Variants in NTAQ1 observed in about 807,000 individuals in gnomAD.
NTAQ1 encodes protein N-terminal glutamine amidohydrolase.
NTAQ1 carries 21 observed loss-of-function variants against 28.2 expected under a neutral mutation model. That is an observed-to-expected ratio of 0.74 (90% CI 0.53 to 1.07). The LOEUF is 1.07. Among genes scored for constraint, NTAQ1 ranks in the 50% least tolerant of loss-of-function variants. The pLI, the probability that NTAQ1 is intolerant of heterozygous loss-of-function variation, is 0.00. For missense variants in NTAQ1, 264 were observed against 256.6 expected (o/e 1.03, Z -0.20); for synonymous variants, 105 against 90.0 (o/e 1.17, Z -0.94).
At chr8:123,438,060 A>G in intron 5 of NTAQ1, 1 of 647,804 alleles carries the variant, frequency 1.5e-6, no homozygotes, top group Non-Finnish European at 2.8e-6. Context: ...TGGCTATATA[A>G]TAAAATCTGC....
chr8:123,459,887 C>T (rs545697189), intron 6 of NTAQ1, among the ~76,000 whole-genome samples: 7 of 151,530 alleles, frequency 4.6e-5, no homozygotes, highest in African/African-American at 1.5e-4. Context: ...CCGCAACCTC[C>T]GCCTCCTGGT....
chr8:123,471,906 G>T (rs1041694531), downstream of NTAQ1, among the ~76,000 whole-genome samples: 2 of 152,148 alleles, frequency 1.3e-5, no homozygotes, highest in Admixed American at 1.3e-4. Flanking sequence ...AAGTTGACAC[G>T]TAAAATTAAC....
At chr8:123,467,182 A>C (rs1815979082) in exon 7 of NTAQ1, 1 of 151,634 alleles carries the variant, frequency 6.6e-6, no homozygotes, top group Non-Finnish European at 1.5e-5. Flanking sequence ...AACTACAGGC[A>C]TGCACCACCA....
At chr8:123,448,376 G>A (rs1195353296), downstream of NTAQ1, among the ~76,000 whole-genome samples, 2 of 152,212 alleles carry the variant, frequency 1.3e-5, no homozygotes, top group Non-Finnish European at 2.9e-5. Context: ...ACTTTGGAAG[G>A]CCAAGGCGGG....
chr8:123,463,207 A>G (rs1382161611), intron 6 of NTAQ1, among the ~76,000 whole-genome samples: 1 of 152,234 alleles, frequency 6.6e-6, no homozygotes, highest in Non-Finnish European at 1.5e-5. Context: ...CCTAAGAAAG[A>G]TATTCTTCTG....
intron 1 of NTAQ1, among the ~76,000 whole-genome samples, chr8:123,418,647 G>A (rs1282198316): frequency 1.3e-5 from 2 of 152,188 alleles, no homozygotes; most frequent in African/African-American, 4.8e-5. Flanking sequence ...GAGGATGGTT[G>A]TTTAAGCAGG....
chr8:123,441,498 G>A lies in NTAQ1; in HGVS notation c.*83G>A. 9.4e-7 allele frequency: 1 copy of A among 1,065,606 alleles called. No homozygotes were observed. The highest frequency in any genetic ancestry group is 1.4e-6 in the Non-Finnish European group (1 of 709,658). The allele number at this position is 1,065,606 out of a possible 1,614,324, so 66.0% of individuals were successfully genotyped here. On this transcript the variant is annotated 3_prime_UTR_variant, in exon 6 of 6. Transcript: ENST00000287387. ...TTCATCGAGGACAGCAAACATTATG[G>A]TACAGTTGGCTTGGAATTATGTCTT...
chr8:123,449,974 T>TATATATATATATATATATATAA (rs371673968), downstream of NTAQ1, among the ~76,000 whole-genome samples: 11 of 56,102 alleles, frequency 2.0e-4, 1 homozygote, highest in East Asian at 2.1e-3. Context: ...TATATATATA[T>TATATATATATATATATATATAA]GCTGGATAAA....
At chr8:123,431,189 T>G (rs566032159) in intron 3 of NTAQ1, among the ~76,000 whole-genome samples, 1 of 151,966 alleles carries the variant, frequency 6.6e-6, no homozygotes, top group East Asian at 1.9e-4. Flanking sequence ...GTACAAAAAT[T>G]AGCTGGGTGT....
chr8:123,438,092 G>C, intron 5 of NTAQ1: 1 of 689,276 alleles, frequency 1.5e-6, no homozygotes, highest in South Asian at 1.5e-5. Flanking sequence ...GTGAGCGCTA[G>C]CAGGTTTTAT....
chr8:123,441,914 A>G lies in NTAQ1; in HGVS notation c.*499A>G, dbSNP rs1262609338. On this transcript the variant is annotated 3_prime_UTR_variant, in exon 6 of 6. Transcript: ENST00000287387. ...ATTGTGAGCTGAATCAGCAATAAGT[A>G]TTAGTCTTTTTGGACTATGGTATTG... 6.5e-6 allele frequency: 1 copy of G among 154,170 alleles called. No individual in the cohort carries two copies. Among genetic ancestry groups the G allele is most frequent in the East Asian group, 1.9e-4 (1 of 5,264 alleles). 9.6% of individuals were successfully genotyped at this position (154,170 alleles called of 1,614,324 possible).
In NTAQ1 at chr8:123,441,455, A is replaced by T. The variant is rs767254274; in HGVS notation, c.*40A>T. On this transcript the variant is annotated 3_prime_UTR_variant, in exon 6 of 6. Coordinates refer to ENST00000287387, the MANE Select transcript of NTAQ1 (RefSeq NM_018024.3). ...TGTGGAACTGTGGAGAAATTCTAGG[A>T]CATGAACAAGCTATCCTTTCATCGA... is the stretch of plus-strand genomic sequence containing the variant. 12 of 1,495,184 alleles carry T rather than the reference A, an allele frequency of 8.0e-6. No homozygotes were observed. The highest frequency in any genetic ancestry group is 9.2e-6 in the Non-Finnish European group (10 of 1,082,632). 92.6% of individuals were successfully genotyped at this position (1,495,184 alleles called of 1,614,324 possible). A position where few individuals can be genotyped will look rare whatever the true frequency, so the allele number is the denominator to read the frequency against.
Position 123,468,931 on chromosome 8 carries a change from A to G in NTAQ1, c.*1781A>G, listed in dbSNP as rs1816014486. On this transcript the variant is annotated 3_prime_UTR_variant, in exon 7 of 7. Transcript: ENST00000650311. ...TGGGCATCCTAATGGGAGTGAGGTG[A>G]TATCTCCTTGTGGTTTTCAGTTGCA... 2.6e-5 allele frequency among the ~76,000 whole-genome samples: 4 copies of G among 152,042 alleles called. No homozygotes were observed. The South Asian group carries it at 8.3e-4, about 32-fold the overall frequency.
At chr8:123,444,745 G>C (rs1239251093), downstream of NTAQ1, among the ~76,000 whole-genome samples, 1 of 152,136 alleles carries the variant, frequency 6.6e-6, no homozygotes, top group Admixed American at 6.6e-5. Context: ...TTCTGCCCTC[G>C]TGATCCACTT....
At chr8:123,445,582 C>T (rs1389937746), downstream of NTAQ1, among the ~76,000 whole-genome samples, 1 of 151,836 alleles carries the variant, frequency 6.6e-6, no homozygotes, top group Non-Finnish European at 1.5e-5. Flanking sequence ...ATAAAAATTT[C>T]CAAGGTGAAT....
chr8:123,459,826 G>A (rs1815766779), intron 6 of NTAQ1, among the ~76,000 whole-genome samples: 1 of 118,800 alleles, frequency 8.4e-6, no homozygotes, highest in African/African-American at 3.2e-5. Flanking sequence ...TTTTTGAGAT[G>A]GAGTTTCACT....
intron 1 of NTAQ1, among the ~76,000 whole-genome samples, chr8:123,423,640 T>TA (rs1341718384): frequency 4.6e-5 from 7 of 152,100 alleles, no homozygotes; most frequent in African/African-American, 9.7e-5. Flanking sequence ...CCCTTTTTTT[T>TA]AACATTGAAA....
chr8:123,458,524 G>A (rs149224743), intron 6 of NTAQ1, among the ~76,000 whole-genome samples: 1,791 of 152,058 alleles, frequency 0.012, 16 homozygotes, highest in Non-Finnish European at 0.019. Flanking sequence ...ATTAAGCTGC[G>A]ATCTGGGTAC....
At chr8:123,458,871 C>T (rs13251123) in intron 6 of NTAQ1, among the ~76,000 whole-genome samples, 2 of 151,982 alleles carry the variant, frequency 1.3e-5, no homozygotes, top group Non-Finnish European at 2.9e-5. Context: ...CCACCCGCCT[C>T]GGCCTCCCAA....
Sources: allele counts gnomAD v4.1 joint callset (sites outside exome capture counted in the v4.1 genomes callset), GRCh38; gene constraint gnomAD v4.1.1; transcripts MANE v1.5; gene names NCBI Gene and HGNC (gene_info 2026-07-23, HGNC 2026-07-21).